OSBPL8: variants seen among roughly 807,000 people sequenced by gnomAD.
OSBPL8 encodes oxysterol-binding protein-related protein 8.
Under a neutral mutation model 125.5 loss-of-function variants are expected in OSBPL8, and 59 were observed. The observed-to-expected ratio is 0.47, with a 90% CI of 0.38 to 0.58. The LOEUF (loss-of-function observed/expected upper bound fraction) is 0.58, where lower values mean the gene tolerates loss of function less well. OSBPL8 is among the 20% of genes least tolerant of loss of function. The pLI, the probability that OSBPL8 is intolerant of heterozygous loss-of-function variation, is 0.00. For missense variants in OSBPL8, 758 were observed against 1,047.8 expected (o/e 0.72, Z 3.82); for synonymous variants, 330 against 338.9 (o/e 0.97, Z 0.29).
chr12:76,504,516 C>T (rs1880224171), intron 1 of OSBPL8, among the ~76,000 whole-genome samples: 1 of 152,156 alleles, frequency 6.6e-6, no homozygotes. Flanking sequence ...AACCAGACCA[C>T]TCTTCTTCTG....
At chr12:76,435,037 A>G (rs1264650214) in intron 4 of OSBPL8, among the ~76,000 whole-genome samples, 2 of 152,168 alleles carry the variant, frequency 1.3e-5, no homozygotes, top group Non-Finnish European at 2.9e-5. Flanking sequence ...CTGTATCTCA[A>G]GGAGATATCT....
At chr12:76,418,053 T>C (rs1161075837) in intron 4 of OSBPL8, among the ~76,000 whole-genome samples, 1 of 150,144 alleles carries the variant, frequency 6.7e-6, no homozygotes, top group Admixed American at 6.6e-5. Flanking sequence ...TTCATTCTTA[T>C]TGCCCAGGCT....
intron 4 of OSBPL8, among the ~76,000 whole-genome samples, chr12:76,449,154 C>G (rs961762430): frequency 6.6e-6 from 1 of 152,152 alleles, no homozygotes; most frequent in Admixed American, 6.6e-5. Flanking sequence ...CAAAGTATGA[C>G]AGAACTCTAA....
At chr12:76,402,436 C>T (rs1446657377) in intron 6 of OSBPL8, among the ~76,000 whole-genome samples, 1 of 152,198 alleles carries the variant, frequency 6.6e-6, no homozygotes, top group Non-Finnish European at 1.5e-5. Context: ...AGAGATAACA[C>T]ATCCTCAGCC....
intron 7 of OSBPL8, among the ~76,000 whole-genome samples, chr12:76,398,713 T>G (rs1234783522): frequency 1.3e-5 from 2 of 152,158 alleles, no homozygotes; most frequent in African/African-American, 4.8e-5. Flanking sequence ...AAGTATGAAA[T>G]AATACAGGAT....
chr12:76,356,816 G>A lies in OSBPL8; in HGVS notation c.2435-88C>T, dbSNP rs1019467349. On this transcript the variant is annotated intron_variant, in intron 22 of 23. Transcript: ENST00000261183. ...TCTCATGTAATAAAAATTTTCCTGG[G>A]CATTTGTTTTTGTAGCCTAGAGATT... 18 of 883,520 alleles carry A rather than the reference G, an allele frequency of 2.0e-5. 1 individual carries two copies. In the Admixed American group the frequency reaches 4.3e-4, roughly 21 times the overall value. 54.7% of individuals were successfully genotyped at this position (883,520 alleles called of 1,614,324 possible).
rs544188988 is a variant in OSBPL8, at chr12:76,410,430, T to C, written c.288+134A>G. The C allele has an allele frequency of 5.7e-5, 35 of 618,966 alleles. No homozygotes were observed. The East Asian group carries it at 8.0e-4, about 14-fold the overall frequency. 38.3% of individuals were successfully genotyped at this position (618,966 alleles called of 1,614,324 possible). On this transcript the variant is annotated intron_variant, in intron 5 of 23. Transcript: ENST00000261183. ...TAGCCCCAATGGAACTTCACTCTTT[T>C]AATACACACTACATGGTTCAGATGT...
intron 1 of OSBPL8, among the ~76,000 whole-genome samples, chr12:76,504,971 T>C (rs1234510953): frequency 1.3e-5 from 2 of 152,110 alleles, no homozygotes; most frequent in African/African-American, 4.8e-5. Context: ...ATGAGGACTA[T>C]TTTCCCACAC....
chr12:76,517,393 T>C (rs1881653122), intron 1 of OSBPL8, among the ~76,000 whole-genome samples: 1 of 152,186 alleles, frequency 6.6e-6, no homozygotes, highest in Admixed American at 6.6e-5. Flanking sequence ...ACTAATAGTG[T>C]TTCATCAACT....
chr12:76,390,592 T>A lies in OSBPL8; in HGVS notation c.995A>T (p.Asp332Val), dbSNP rs759584362. 6.2e-7 allele frequency: 1 copy of A among 1,613,760 alleles called. No homozygotes were observed. Among genetic ancestry groups the A allele is most frequent in the Non-Finnish European group, 8.5e-7 (1 of 1,179,798 alleles). The change falls in exon 11 of 24, where the codon GAT becomes GTT. Residue 332 changes from aspartate (D) to valine (V), a missense_variant. Around this residue, in one of 3 missense-constraint regions of OSBPL8, gnomAD observed 572 missense variants for 762.0 expected, o/e 0.75. Transcript: ENST00000261183. The part of the protein sequence containing the change: ...KDQDMYSDKS[D>V]KENDQEHDES... ...ATCATGTTCTTGATCATTTTCTTTATCAGATTTATCAGAATACATATCTTG... is the reference window on the plus strand; with the variant it reads ...ATCATGTTCTTGATCATTTTCTTTAACAGATTTATCAGAATACATATCTTG...
intron 1 of OSBPL8, among the ~76,000 whole-genome samples, chr12:76,494,243 G>A (rs1879029855): frequency 6.6e-6 from 1 of 152,108 alleles, no homozygotes; most frequent in Non-Finnish European, 1.5e-5. Flanking sequence ...GTTAAGGTTT[G>A]TTCATTGTAT....
At chr12:76,546,538 A>G (rs1190797864) in intron 1 of OSBPL8, among the ~76,000 whole-genome samples, 1 of 152,138 alleles carries the variant, frequency 6.6e-6, no homozygotes, top group African/African-American at 2.4e-5. Context: ...GACATATAAA[A>G]AAATTGTACA....
chr12:76,423,511 C>G (rs1366850824), intron 4 of OSBPL8, among the ~76,000 whole-genome samples: 1 of 152,062 alleles, frequency 6.6e-6, no homozygotes, highest in Non-Finnish European at 1.5e-5. Flanking sequence ...ATGAGTCTTT[C>G]CTGCTTAAAA....
intron 12 of OSBPL8, 144 bp from the exon 13 acceptor site, chr12:76,386,804 A>C: frequency 1.7e-6 from 1 of 572,462 alleles, no homozygotes; most frequent in Non-Finnish European, 3.0e-6. Context: ...CATGTAATCA[A>C]TTTTCAACCA....
intron 15 of OSBPL8, among the ~76,000 whole-genome samples, chr12:76,380,110 T>C (rs765502016): frequency 1.2e-4 from 19 of 152,214 alleles, no homozygotes; most frequent in Non-Finnish European, 2.4e-4. Context: ...TTTGGCTGTT[T>C]TGGGTCCTTG....
At chr12:76,390,149 C>T in intron 11 of OSBPL8, 1 of 424,998 alleles carries the variant, frequency 2.4e-6, no homozygotes, top group African/African-American at 2.0e-5. Flanking sequence ...CAACTTTGCA[C>T]CTGGCAATGA....
At chr12:76,386,326 A>C in intron 13 of OSBPL8, 60 bp from the exon 14 acceptor site, 1 of 1,532,480 alleles carries the variant, frequency 6.5e-7, no homozygotes, top group Non-Finnish European at 8.7e-7. Flanking sequence ...AAAATAGTTT[A>C]AACTAGTCAA....
At chr12:76,357,550 A>T (rs1952030720) in intron 22 of OSBPL8, among the ~76,000 whole-genome samples, 1 of 152,128 alleles carries the variant, frequency 6.6e-6, no homozygotes, top group Non-Finnish European at 1.5e-5. Flanking sequence ...CTTCTAACAC[A>T]CTGGTATGCC....
chr12:76,427,724 G>A (rs1592663558), intron 4 of OSBPL8, among the ~76,000 whole-genome samples: 1 of 151,996 alleles, frequency 6.6e-6, no homozygotes. Flanking sequence ...AAGGACAAAA[G>A]AGCATCAACA....
Sources: gnomAD v4.1 joint callset for allele counts (sites outside exome capture counted in the v4.1 genomes callset) on GRCh38, gnomAD v4.1.1 for gene constraint, gnomAD v4.1.1 regional missense constraint, MANE v1.5 for transcripts, NCBI Gene and HGNC (gene_info 2026-07-23, HGNC 2026-07-21) for gene names.